ZFYVE1: variants seen among roughly 807,000 people sequenced by gnomAD.
ZFYVE1 encodes zinc finger FYVE-type containing 1.
In ZFYVE1, 30 loss-of-function variants were observed where a neutral mutation model predicts 74.4. The ratio of observed to expected loss-of-function variants is 0.40; its 90% CI spans 0.30 to 0.55. The LOEUF is 0.55. Among genes scored for constraint, ZFYVE1 ranks in the 20% least tolerant of loss-of-function variants. ZFYVE1 has a pLI of 0.42. For synonymous variants in ZFYVE1, 335 were observed against 385.1 expected, an observed-to-expected ratio of 0.87 and a Z score of 1.52; for missense variants, 703 against 1,011.6, an observed-to-expected ratio of 0.69 and a Z score of 4.14.
intron 2 of ZFYVE1, among the ~76,000 whole-genome samples, chr14:72,999,756 G>A (rs1383897661): frequency 1.3e-5 from 2 of 152,158 alleles, no homozygotes; most frequent in Non-Finnish European, 1.5e-5. Context: ...AGTGTCATCC[G>A]CCTCATTAAA....
chr14:73,002,262 G>GCT (rs1893888723), intron 2 of ZFYVE1, among the ~76,000 whole-genome samples: 1 of 152,092 alleles, frequency 6.6e-6, no homozygotes, highest in Non-Finnish European at 1.5e-5. Flanking sequence ...GTTGCTAGAG[G>GCT]AAGGAGGGAG....
At chr14:72,978,494 G>A (rs1265270467) in intron 6 of ZFYVE1, among the ~76,000 whole-genome samples, 1 of 149,124 alleles carries the variant, frequency 6.7e-6, no homozygotes, top group Non-Finnish European at 1.5e-5. Flanking sequence ...TGCAGCCCAG[G>A]AGGTGGAGGT....
chr14:73,007,447 T>C (rs575387871), intron 2 of ZFYVE1, among the ~76,000 whole-genome samples: 1 of 152,224 alleles, frequency 6.6e-6, no homozygotes, highest in South Asian at 2.1e-4. Context: ...AATACAGTGA[T>C]TCACTGCAGC....
intron 2 of ZFYVE1, among the ~76,000 whole-genome samples, chr14:73,005,377 G>GT (rs1477433531): frequency 6.6e-6 from 1 of 152,146 alleles, no homozygotes; most frequent in Non-Finnish European, 1.5e-5. Context: ...AGTTAAATAG[G>GT]TTACCTGGCC....
chr14:73,018,076 T>A (rs572051480), intron 2 of ZFYVE1, among the ~76,000 whole-genome samples: 1 of 152,276 alleles, frequency 6.6e-6, no homozygotes, highest in Non-Finnish European at 1.5e-5. Context: ...TTTCTTCCCA[T>A]TCCCTCTATC....
chr14:73,010,768 TAAAAAAAA>T (rs35771113), intron 2 of ZFYVE1, among the ~76,000 whole-genome samples: 1 of 58,986 alleles, frequency 1.7e-5, no homozygotes, highest in Non-Finnish European at 2.9e-5. Flanking sequence ...AGACTCCATC[TAAAAAAAA>T]AAAAAAAAAA....
chr14:72,997,730 A>G (rs1893779205), intron 3 of ZFYVE1, 81 bp downstream of exon 3: 1 of 1,495,792 alleles, frequency 6.7e-7, no homozygotes, highest in African/African-American at 1.4e-5. Context: ...ATCCACTACC[A>G]ACAAGTTGCT....
intron 5 of ZFYVE1, among the ~76,000 whole-genome samples, chr14:72,979,672 C>T (rs1003137520): frequency 6.7e-6 from 1 of 149,098 alleles, no homozygotes; most frequent in Non-Finnish European, 1.5e-5. Flanking sequence ...AAAAAAAATA[C>T]ACCCAGAAAT....
chr14:73,003,468 T>C (rs1245948072), intron 2 of ZFYVE1, among the ~76,000 whole-genome samples: 1 of 152,184 alleles, frequency 6.6e-6, no homozygotes, highest in Non-Finnish European at 1.5e-5. Flanking sequence ...TCCCCGTGCT[T>C]TGGGAGGCCA....
chr14:72,995,870 A>G (rs979852035), intron 3 of ZFYVE1, among the ~76,000 whole-genome samples: 2 of 152,076 alleles, frequency 1.3e-5, no homozygotes, highest in African/African-American at 4.8e-5. Flanking sequence ...CTGAATCCCA[A>G]CCACTTCTCA....
At chr14:72,987,274 G>A (rs2140356789) in intron 4 of ZFYVE1, among the ~76,000 whole-genome samples, 1 of 152,254 alleles carries the variant, frequency 6.6e-6, no homozygotes, top group Middle Eastern at 3.4e-3. Flanking sequence ...GGTTAAAGAA[G>A]GTACATAAAG....
At chr14:73,025,170 G>A (rs1894431729) in intron 1 of ZFYVE1, among the ~76,000 whole-genome samples, 1 of 151,292 alleles carries the variant, frequency 6.6e-6, no homozygotes, top group Non-Finnish European at 1.5e-5. Flanking sequence ...CCGGGTTCAA[G>A]CGATTCTCCT....
chr14:72,987,191 T>C (rs1295847634), intron 4 of ZFYVE1, among the ~76,000 whole-genome samples: 1 of 152,234 alleles, frequency 6.6e-6, no homozygotes, highest in African/African-American at 2.4e-5. Flanking sequence ...AACATAACTT[T>C]ATAAATACTT....
chr14:73,006,048 A>T (rs1340576392), intron 2 of ZFYVE1, among the ~76,000 whole-genome samples: 7 of 151,730 alleles, frequency 4.6e-5, no homozygotes, highest in African/African-American at 1.2e-4. Context: ...CAGCCTTTGG[A>T]GTAGCTGGGA....
intron 2 of ZFYVE1, among the ~76,000 whole-genome samples, chr14:73,008,349 G>A (rs1309436631): frequency 1.3e-5 from 2 of 152,028 alleles, no homozygotes; most frequent in African/African-American, 2.4e-5. Context: ...AGTAGAGACG[G>A]GGTTTCTCCA....
intron 2 of ZFYVE1, among the ~76,000 whole-genome samples, chr14:73,003,182 G>A (rs1277970261): frequency 6.6e-6 from 1 of 150,872 alleles, no homozygotes; most frequent in Non-Finnish European, 1.5e-5. Flanking sequence ...AGCCTCCAGA[G>A]TAGCTGGTAC....
chr14:73,018,312 T>C (rs1393496016), intron 2 of ZFYVE1, among the ~76,000 whole-genome samples: 2 of 151,352 alleles, frequency 1.3e-5, no homozygotes, highest in Non-Finnish European at 2.9e-5. Flanking sequence ...GTGCCTGTAA[T>C]CCCACCTACT....
rs201185010 is a variant in ZFYVE1, at chr14:73,003,054, C to CTTTTTT, written c.484-4745_484-4740dup. Among the ~76,000 whole-genome samples the CTTTTTT allele has an allele frequency of 6.8e-4, 70 of 102,926 alleles. 1 individual carries two copies. The highest frequency in any genetic ancestry group is 8.1e-4 in the Non-Finnish European group (44 of 54,194). The allele number at this position is 102,926 out of a possible 152,430, so 67.5% of individuals were successfully genotyped here. On this transcript the variant is annotated intron_variant, in intron 2 of 11. Transcript: ENST00000556143. ...CCGTGCCCAGCCCTTTTTTTCTTTT[C>CTTTTTT]TTTTTTTTTTTTTTTTTTGAGACAG... is the stretch of plus-strand genomic sequence containing the variant.
At chr14:73,001,621 ACCTACCTC>A (rs1434207850) in intron 2 of ZFYVE1, among the ~76,000 whole-genome samples, 1 of 152,130 alleles carries the variant, frequency 6.6e-6, no homozygotes, top group Non-Finnish European at 1.5e-5. Flanking sequence ...AGAGTTCTGT[ACCTACCTC>A]CCACCCCCAA....
Sources: gnomAD v4.1 joint callset for allele counts (sites outside exome capture counted in the v4.1 genomes callset) on GRCh38, gnomAD v4.1.1 for gene constraint, MANE v1.5 for transcripts, NCBI Gene and HGNC (gene_info 2026-07-23, HGNC 2026-07-21) for gene names.